Variants in CENPP observed in about 807,000 individuals in gnomAD.
CENPP encodes centromere protein P.
In CENPP, 24 loss-of-function variants were observed where a neutral mutation model predicts 35.6. The observed-to-expected ratio is 0.67, with a 90% CI of 0.49 to 0.95. The LOEUF is 0.95. Among genes scored for constraint, CENPP ranks in the 40% least tolerant of loss-of-function variants. The probability of loss-of-function intolerance (pLI) is 0.00; values close to 1 mark genes in which losing one functional copy is unlikely to be tolerated. For synonymous variants in CENPP, 120 were observed against 125.5 expected (o/e 0.96, Z 0.29); for missense variants, 332 against 345.3 (o/e 0.96, Z 0.31).
At chr9:92,600,483 C>G in intron 5 of CENPP, 2 of 1,612,888 alleles carry the variant, frequency 1.2e-6, no homozygotes, top group Non-Finnish European at 1.7e-6. Flanking sequence ...CCCAGCTGGT[C>G]TGTTCTGCAA....
At chr9:92,587,472 A>G (rs1173000957) in intron 5 of CENPP, among the ~76,000 whole-genome samples, 1 of 151,640 alleles carries the variant, frequency 6.6e-6, no homozygotes, top group African/African-American at 2.4e-5. Flanking sequence ...TGCCATCTCA[A>G]AAAAAAGGGG....
At chr9:92,389,233 G>A (rs1282403173) in intron 5 of CENPP, among the ~76,000 whole-genome samples, 1 of 152,174 alleles carries the variant, frequency 6.6e-6, no homozygotes, top group African/African-American at 2.4e-5. Context: ...GATTACTCCT[G>A]TAGGTCATGC....
chr9:92,410,555 G>A (rs909200636), intron 5 of CENPP, among the ~76,000 whole-genome samples: 2 of 152,164 alleles, frequency 1.3e-5, no homozygotes, highest in South Asian at 4.1e-4. Flanking sequence ...GTGTCCAATA[G>A]TGGTTGTGAA....
At chr9:92,576,688 T>G (rs1588290294) in intron 5 of CENPP, among the ~76,000 whole-genome samples, 1 of 152,264 alleles carries the variant, frequency 6.6e-6, no homozygotes, top group Admixed American at 6.5e-5. Context: ...TAAATCATAA[T>G]GCATTACATG....
chr9:92,598,699 A>G (rs756073805), intron 5 of CENPP, among the ~76,000 whole-genome samples: 6 of 152,014 alleles, frequency 3.9e-5, no homozygotes, highest in Non-Finnish European at 8.8e-5. Flanking sequence ...AAGATTACAG[A>G]TAAATGAAAT....
chr9:92,457,748 GTC>G (rs34077247), intron 5 of CENPP, among the ~76,000 whole-genome samples: 35,904 of 151,710 alleles, frequency 0.24, 5,719 homozygotes, highest in African/African-American at 0.45. Flanking sequence ...ATGGGTCGCT[GTC>G]TCTCTCTCTC....
intron 5 of CENPP, among the ~76,000 whole-genome samples, chr9:92,606,733 A>G (rs1368046086): frequency 1.3e-5 from 2 of 152,062 alleles, no homozygotes; most frequent in South Asian, 2.1e-4. Flanking sequence ...GTGAAACCCC[A>G]TCTCTACTAA....
intron 4 of CENPP, among the ~76,000 whole-genome samples, chr9:92,357,956 G>T (rs563737784): frequency 3.3e-5 from 5 of 151,952 alleles, no homozygotes; most frequent in Middle Eastern, 6.8e-3. Flanking sequence ...AACATCCCTT[G>T]TATGTGACCA....
At chr9:92,442,802 T>A (rs1844450804) in intron 5 of CENPP, among the ~76,000 whole-genome samples, 1 of 150,986 alleles carries the variant, frequency 6.6e-6, no homozygotes, top group African/African-American at 2.4e-5. Flanking sequence ...TGAGCCGAGA[T>A]CACGCCACTG....
At chr9:92,574,381 C>G (rs146104487) in intron 5 of CENPP, among the ~76,000 whole-genome samples, 32 of 152,108 alleles carry the variant, frequency 2.1e-4, no homozygotes, top group African/African-American at 7.5e-4. Context: ...AGTGAACACA[C>G]TAAAATTGGT....
At chr9:92,611,240 G>A in intron 5 of CENPP, 74 bp from the exon 6 acceptor site, 1 of 1,220,534 alleles carries the variant, frequency 8.2e-7, no homozygotes, top group Non-Finnish European at 1.2e-6. Flanking sequence ...ACCTGGAACG[G>A]TGCCCCGTGC....
intron 3 of CENPP, among the ~76,000 whole-genome samples, chr9:92,345,254 A>G (rs929992844): frequency 5.9e-5 from 9 of 151,480 alleles, no homozygotes; most frequent in African/African-American, 2.2e-4. Flanking sequence ...CTGTCTCAAA[A>G]CAAAAACAAA....
intron 5 of CENPP, among the ~76,000 whole-genome samples, chr9:92,413,110 A>C (rs1050833749): frequency 2.7e-4 from 40 of 149,282 alleles, no homozygotes; most frequent in African/African-American, 9.2e-4. Flanking sequence ...TCAGCCTCGC[A>C]AGTAGCCGGG....
chr9:92,577,177 G>GTA (rs1000410456), intron 5 of CENPP, among the ~76,000 whole-genome samples: 1 of 152,050 alleles, frequency 6.6e-6, no homozygotes, highest in Non-Finnish European at 1.5e-5. Context: ...AGGTGTGTGT[G>GTA]TATATATATA....
chr9:92,605,335 G>A (rs141768061), intron 5 of CENPP, among the ~76,000 whole-genome samples: 1 of 152,054 alleles, frequency 6.6e-6, no homozygotes, highest in East Asian at 1.9e-4. Flanking sequence ...TTCGTATATG[G>A]TGTACAGTAA....
intron 5 of CENPP, among the ~76,000 whole-genome samples, chr9:92,425,319 A>G (rs1843935890): frequency 6.6e-6 from 1 of 152,194 alleles, no homozygotes; most frequent in Admixed American, 6.5e-5. Flanking sequence ...CTATTGCACA[A>G]AATAATTCTG....
chr9:92,580,225 T>C (rs1488421017), intron 5 of CENPP, among the ~76,000 whole-genome samples: 1 of 152,152 alleles, frequency 6.6e-6, no homozygotes, highest in East Asian at 1.9e-4. Flanking sequence ...TGAGGATTTT[T>C]GCATCAATGT....
chr9:92,442,398 CAAAAAAA>C (rs71362387), intron 5 of CENPP, among the ~76,000 whole-genome samples: 7 of 74,480 alleles, frequency 9.4e-5, no homozygotes, highest in Non-Finnish European at 1.9e-4. Context: ...AACTCTGTCT[CAAAAAAA>C]AAAAAAAAAA....
At chr9:92,351,844 T>A (rs1841454233) in intron 4 of CENPP, among the ~76,000 whole-genome samples, 1 of 151,680 alleles carries the variant, frequency 6.6e-6, no homozygotes, top group Non-Finnish European at 1.5e-5. Flanking sequence ...AGGCTGGTCT[T>A]GAATTCCTGA....
Sources: allele counts gnomAD v4.1 joint callset (sites outside exome capture counted in the v4.1 genomes callset), GRCh38; gene constraint gnomAD v4.1.1; transcripts MANE v1.5; gene names NCBI Gene and HGNC (gene_info 2026-07-23, HGNC 2026-07-21).